Variants in MN1 observed in about 807,000 individuals in gnomAD.
The protein encoded by MN1 is MN1 proto-oncogene, transcriptional regulator.
In MN1, 19 loss-of-function variants were observed where a neutral mutation model predicts 86.9. The ratio of observed to expected loss-of-function variants is 0.22; its 90% CI spans 0.15 to 0.32. The LOEUF is 0.32. MN1 is among the 10% of genes least tolerant of loss of function. MN1 has a pLI of 1.00. For missense variants in MN1, 1,841 were observed against 1,862.0 expected (o/e 0.99, Z 0.21); for synonymous variants, 928 against 849.6 (o/e 1.09, Z -1.60).
intron 1 of MN1, among the ~76,000 whole-genome samples, chr22:27,779,040 G>A (rs1278925188): frequency 1.3e-5 from 2 of 152,248 alleles, no homozygotes; most frequent in South Asian, 2.1e-4. Context: ...CCCTGACCCC[G>A]AACCAGCCCC....
intron 1 of MN1, among the ~76,000 whole-genome samples, chr22:27,765,467 C>A (rs140844308): frequency 5.9e-5 from 9 of 152,322 alleles, no homozygotes; most frequent in Admixed American, 5.2e-4. Context: ...GGTGGATTTT[C>A]TGAAGCCGAA....
In MN1 at chr22:27,748,389, A is replaced by C. The variant is rs1211381956; in HGVS notation, c.*2526T>G. ...ACTTTACATATTTTTTTAAAAAAGAAAGAAAAAAATAACACTCAATTTCAT... is the reference window on the plus strand; with the variant it reads ...ACTTTACATATTTTTTTAAAAAAGACAGAAAAAAATAACACTCAATTTCAT... On this transcript the variant is annotated 3_prime_UTR_variant, in exon 2 of 2. Transcript: ENST00000302326. The C allele has an allele frequency of 1.1e-5, 2 of 182,402 alleles. No individual in the cohort carries two copies. Among genetic ancestry groups the C allele is most frequent in the East Asian group, 9.0e-5 (1 of 11,166 alleles). The allele number at this position is 182,402 out of a possible 1,614,324, so 11.3% of individuals were successfully genotyped here. A position where few individuals can be genotyped will look rare whatever the true frequency, so the allele number is the denominator to read the frequency against.
chr22:27,759,592 C>T (rs768794922), intron 1 of MN1, among the ~76,000 whole-genome samples: 5 of 152,132 alleles, frequency 3.3e-5, no homozygotes, highest in Non-Finnish European at 7.4e-5. Context: ...CTGTGATCTT[C>T]GGTGGGTCCA....
intron 1 of MN1, among the ~76,000 whole-genome samples, chr22:27,786,476 CCAT>C (rs959442378): frequency 3.3e-5 from 5 of 150,412 alleles, no homozygotes; most frequent in South Asian, 4.2e-4. Context: ...ACCACCACCA[CCAT>C]GTGTCAAGGA....
rs1933320320 is a variant in MN1 at position 27,797,407 on chromosome 22, G to A, written c.3137C>T (p.Ser1046Leu). 7 of 1,611,760 alleles carry A rather than the reference G, an allele frequency of 4.3e-6. No homozygotes were observed. The highest frequency in any genetic ancestry group is 1.1e-5 in the South Asian group (1 of 90,920). ...SSSPNVGEFA[S>L]DEVSTSYANE... ...GGCGTAGCTCGTGCTCACCTCGTCC[G>A]AGGCGAACTCACCCACGTTTGGCGA... The change falls in exon 1 of 2, where the codon TCG becomes TTG. Residue 1046 changes from serine (S) to leucine (L), a missense_variant. Ser to Leu is a moderately radical substitution (Grantham distance 145). Transcript: ENST00000302326.
At chr22:27,784,241 C>T (rs1285938022) in intron 1 of MN1, among the ~76,000 whole-genome samples, 1 of 152,188 alleles carries the variant, frequency 6.6e-6, no homozygotes, top group African/African-American at 2.4e-5. Flanking sequence ...ACTGAGCCTC[C>T]TCCCAGGCCA....
intron 1 of MN1, among the ~76,000 whole-genome samples, chr22:27,766,751 A>G (rs1182372555): frequency 6.6e-6 from 1 of 152,114 alleles, no homozygotes; most frequent in Non-Finnish European, 1.5e-5. Flanking sequence ...ACAGAGGGGT[A>G]AGTCAAGGGC....
intron 1 of MN1, among the ~76,000 whole-genome samples, chr22:27,766,016 G>A (rs960239312): frequency 3.9e-5 from 6 of 152,094 alleles, no homozygotes; most frequent in African/African-American, 2.4e-5. Flanking sequence ...AGGAAGAAGC[G>A]CACCTGCCGC....
chr22:27,779,377 G>C (rs1436622615), intron 1 of MN1, among the ~76,000 whole-genome samples: 1 of 152,182 alleles, frequency 6.6e-6, no homozygotes, highest in East Asian at 1.9e-4. Flanking sequence ...CCGGCCCCCA[G>C]GCTAGGGGTT....
chr22:27,772,208 G>C (rs1932923361), intron 1 of MN1, among the ~76,000 whole-genome samples: 1 of 152,186 alleles, frequency 6.6e-6, no homozygotes. Flanking sequence ...AACAGACTCA[G>C]CCCTCAGCCC....
intron 1 of MN1, among the ~76,000 whole-genome samples, chr22:27,768,042 T>G (rs1176696639): frequency 6.6e-6 from 1 of 151,998 alleles, no homozygotes; most frequent in Non-Finnish European, 1.5e-5. Context: ...CCATATCAGT[T>G]TCCAAAGCAT....
In MN1 at chr22:27,797,641, C is replaced by T; in HGVS notation, c.2903G>A (p.Ser968Asn). The change falls in exon 1 of 2, where the codon AGC becomes AAC. Residue 968 changes from serine (S) to asparagine (N), a missense_variant. Coordinates refer to ENST00000302326, the MANE Select transcript of MN1 (RefSeq NM_002430.3). ...FFDKYSAAPD[S>N]GGAPGVSPGQ... ...TGGGCTCACCCCAGGTGCGCCCCCG[C>T]TGTCCGGAGCCGCCGAGTACTTGTC... is the stretch of plus-strand genomic sequence containing the variant. 1.3e-6 allele frequency: 2 copies of T among 1,596,450 alleles called. No individual in the cohort carries two copies. Among genetic ancestry groups the T allele is most frequent in the South Asian group, 1.1e-5 (1 of 88,804 alleles).
Position 27,749,788 on chromosome 22 carries a change from A to T in MN1, c.*1127T>A, listed in dbSNP as rs1932744840. 4.3e-6 allele frequency: 1 copy of T among 231,166 alleles called. No homozygotes were observed. The highest frequency in any genetic ancestry group is 8.6e-6 in the Non-Finnish European group (1 of 116,836). The allele number at this position is 231,166 out of a possible 1,614,324, so 14.3% of individuals were successfully genotyped here. On this transcript the variant is annotated 3_prime_UTR_variant, in exon 2 of 2. Transcript: ENST00000302326. ...CAGAGAAGGCTGAGCAGGCTGAGCAAGAGGGTGCCTCATCCCTCCCAGGGG... is the reference window on the plus strand; with the variant it reads ...CAGAGAAGGCTGAGCAGGCTGAGCATGAGGGTGCCTCATCCCTCCCAGGGG...
chr22:27,793,009 C>T (rs942947156), intron 1 of MN1, among the ~76,000 whole-genome samples: 1 of 152,038 alleles, frequency 6.6e-6, no homozygotes, highest in African/African-American at 2.4e-5. Context: ...GCATGAAATT[C>T]CAAAAATTTC....
In MN1 at chr22:27,797,869, C is replaced by T; in HGVS notation, c.2675G>A (p.Gly892Asp). 1 of 1,589,638 alleles carries T rather than the reference C, an allele frequency of 6.3e-7. No homozygotes were observed. The highest frequency in any genetic ancestry group is 8.6e-7 in the Non-Finnish European group (1 of 1,169,264). Residue 892 changes from glycine (G) to aspartate (D), a missense_variant, in exon 1 of 2, where the codon GGC becomes GAC. Gly to Asp is a moderately conservative substitution (Grantham distance 94, BLOSUM62 -1). Transcript: ENST00000302326. The stretch of plus-strand genomic sequence containing the variant: ...GCCGCTGCTACTGGTCCCGGACGGG[C>T]CTCCGGGTCCTGGGGCCCCAGGAGC... ...GTAPGAPGPGGPSGTSSSGSK... is the reference protein window; with the variant it reads ...GTAPGAPGPGDPSGTSSSGSK...
In MN1 at chr22:27,798,229, C is replaced by A. The variant is rs1030625906; in HGVS notation, c.2315G>T (p.Gly772Val). ...GVNSPPSAGG[G>V]GGSSGGGGGG... The stretch of plus-strand genomic sequence containing the variant: ...ACCGCCGCCACCAGAGCTGCCACCG[C>A]CCCCTCCCGCGCTGGGGGGCGAGTT... Residue 772 changes from glycine (G) to valine (V), a missense_variant, in exon 1 of 2, where the codon GGC becomes GTC. Transcript: ENST00000302326. 2.0e-6 allele frequency: 3 copies of A among 1,519,514 alleles called. No individual in the cohort carries two copies. The highest frequency in any genetic ancestry group is 1.2e-5 in the South Asian group (1 of 80,222). The allele number at this position is 1,519,514 out of a possible 1,614,324, so 94.1% of individuals were successfully genotyped here.
intron 1 of MN1, among the ~76,000 whole-genome samples, chr22:27,767,712 C>T (rs1932880282): frequency 6.6e-6 from 1 of 152,102 alleles, no homozygotes; most frequent in African/African-American, 2.4e-5. Context: ...AAATTACCCT[C>T]CACCGCTCCA....
intron 1 of MN1, among the ~76,000 whole-genome samples, chr22:27,752,107 T>C (rs1220078305): frequency 6.6e-6 from 1 of 152,102 alleles, no homozygotes; most frequent in East Asian, 1.9e-4. Flanking sequence ...CACAGAAACT[T>C]TCCTGGGGTC....
chr22:27,768,975 A>G (rs897588878), intron 1 of MN1, among the ~76,000 whole-genome samples: 4 of 152,174 alleles, frequency 2.6e-5, no homozygotes, highest in African/African-American at 7.2e-5. Context: ...CTAGAAAAAT[A>G]ATCTACAAAG....
Sources: allele counts gnomAD v4.1 joint callset (sites outside exome capture counted in the v4.1 genomes callset), GRCh38; gene constraint gnomAD v4.1.1; transcripts MANE v1.5; gene names NCBI Gene and HGNC (gene_info 2026-07-23, HGNC 2026-07-21).